CNTLN: variants seen among roughly 807,000 people sequenced by gnomAD.
CNTLN encodes the protein centlein, centrosomal protein.
Under a neutral mutation model 180.0 loss-of-function variants are expected in CNTLN, and 212 were observed. The ratio of observed to expected loss-of-function variants is 1.18; its 90% CI spans 1.05 to 1.32. The LOEUF is 1.32. Ranked by LOEUF, CNTLN falls within the 40% of genes most tolerant of loss-of-function variation. The pLI, the probability that CNTLN is intolerant of heterozygous loss-of-function variation, is 0.00. For missense variants in CNTLN, 2,095 were observed against 1,610.9 expected, an observed-to-expected ratio of 1.30 and a Z score of -5.14; for synonymous variants, 722 against 563.1, an observed-to-expected ratio of 1.28 and a Z score of -3.99.
intron 8 of CNTLN, among the ~76,000 whole-genome samples, chr9:17,314,962 T>A (rs10756865): frequency 0.8 from 121,796 of 152,166 alleles, 49,462 homozygotes; most frequent in Non-Finnish European, 0.87. Context: ...TATAACTTGT[T>A]GATCTTATCA....
chr9:17,235,411 T>C (rs1392087217), intron 3 of CNTLN, among the ~76,000 whole-genome samples: 3 of 152,150 alleles, frequency 2.0e-5, no homozygotes, highest in African/African-American at 7.2e-5. Flanking sequence ...AAAATTTGCT[T>C]TCTGAGTATG....
At chr9:17,352,116 G>A (rs918801205) in intron 12 of CNTLN, among the ~76,000 whole-genome samples, 2 of 151,994 alleles carry the variant, frequency 1.3e-5, no homozygotes, top group African/African-American at 4.8e-5. Context: ...TTACCCCCAT[G>A]TATTATAAGT....
chr9:17,388,322 TA>T, intron 14 of CNTLN, 69 bp downstream of exon 14: 1 of 1,016,682 alleles, frequency 9.8e-7, no homozygotes, highest in Non-Finnish European at 1.5e-6. Flanking sequence ...GATTATATTT[TA>T]AAACGAGGGC....
At chr9:17,289,914 A>T (rs1182738603) in intron 6 of CNTLN, among the ~76,000 whole-genome samples, 1 of 142,084 alleles carries the variant, frequency 7.0e-6, no homozygotes, top group Non-Finnish European at 1.5e-5. Context: ...ATTCTTCTAA[A>T]TTTTTTTCAA....
chr9:17,255,613 T>C lies in CNTLN; in HGVS notation c.850-18120T>C, dbSNP rs560521031. Among the ~76,000 whole-genome samples the C allele has an allele frequency of 4.6e-5, 7 of 151,966 alleles. 1 individual carries two copies. The South Asian group carries it at 1.5e-3, about 32-fold the overall frequency. On this transcript the variant is annotated intron_variant, in intron 5 of 25. Coordinates refer to ENST00000380647, the MANE Select transcript of CNTLN (RefSeq NM_017738.4). ...TTGTGCATCAATATTCATCAGATAA[T>C]TGGTCTCTAGTTTTCTTCTAGTGTT...
Position 17,415,771 on chromosome 9 carries a change from GAAATCTTC to G in CNTLN, c.2797-12_2797-5del, listed in dbSNP as rs748728263. On this transcript the variant is annotated splice_polypyrimidine_tract_variant and intron_variant, in intron 16 of 25. Transcript: ENST00000380647. The stretch of plus-strand genomic sequence containing the variant: ...TATTGAAGAATAATACCATTTTTAT[GAAATCTTC>G]AAATTTAGGACTATTTTCATGATAA... The G allele has an allele frequency of 2.8e-6, 4 of 1,431,788 alleles. No individual in the cohort carries two copies. The African/African-American group carries it at 5.7e-5, about 20-fold the overall frequency. 88.7% of individuals were successfully genotyped at this position (1,431,788 alleles called of 1,614,324 possible).
intron 13 of CNTLN, among the ~76,000 whole-genome samples, chr9:17,370,063 A>G (rs1824180526): frequency 1.3e-5 from 2 of 152,154 alleles, no homozygotes; most frequent in African/African-American, 2.4e-5. Flanking sequence ...GATTAATGAA[A>G]TAGCCTCAAA....
At chr9:17,215,320 C>T (rs1823659745) in intron 2 of CNTLN, among the ~76,000 whole-genome samples, 2 of 152,258 alleles carry the variant, frequency 1.3e-5, no homozygotes, top group Admixed American at 1.3e-4. Flanking sequence ...GAGGTCACTG[C>T]AGAACCTCTT....
intron 8 of CNTLN, among the ~76,000 whole-genome samples, chr9:17,317,840 A>G (rs959630063): frequency 6.6e-6 from 1 of 152,066 alleles, no homozygotes; most frequent in Non-Finnish European, 1.5e-5. Context: ...GGAGTGAAAC[A>G]TGATCTCAGA....
chr9:17,472,997 A>AT (rs1327291156), intron 23 of CNTLN, among the ~76,000 whole-genome samples: 1 of 152,106 alleles, frequency 6.6e-6, no homozygotes, highest in African/African-American at 2.4e-5. Flanking sequence ...ACTTTCTTGC[A>AT]TATATCCTCA....
intron 2 of CNTLN, among the ~76,000 whole-genome samples, chr9:17,154,181 C>T (rs986385060): frequency 6.6e-6 from 1 of 152,170 alleles, no homozygotes; most frequent in South Asian, 2.1e-4. Context: ...CATTCTCTGT[C>T]CAGCTTTGTT....
At chr9:17,388,967 A>G (rs1825895381) in intron 14 of CNTLN, among the ~76,000 whole-genome samples, 1 of 151,978 alleles carries the variant, frequency 6.6e-6, no homozygotes. Context: ...ATCTTTAAAT[A>G]GTTTGTTCTT....
chr9:17,249,376 T>C lies in CNTLN; in HGVS notation c.849+12788T>C, dbSNP rs551664960. On this transcript the variant is annotated intron_variant, in intron 5 of 25. Transcript: ENST00000380647. Reference sequence around the variant, plus strand: ...TTTGTTTTTTTTTTTTGAGCTGGAGTCTCGCTCTATCACCCAGGCTGGAGT... The same window carrying C: ...TTTGTTTTTTTTTTTTGAGCTGGAGCCTCGCTCTATCACCCAGGCTGGAGT... Among the ~76,000 whole-genome samples, 3 of 138,082 alleles carry C rather than the reference T, an allele frequency of 2.2e-5. No individual in the cohort carries two copies. The East Asian group carries it at 6.2e-4, about 28-fold the overall frequency. 90.6% of individuals were successfully genotyped at this position (138,082 alleles called of 152,430 possible).
intron 5 of CNTLN, among the ~76,000 whole-genome samples, chr9:17,262,884 T>C (rs1251785747): frequency 6.6e-6 from 1 of 151,292 alleles, no homozygotes; most frequent in African/African-American, 2.5e-5. Flanking sequence ...GTGTGTTCCG[T>C]CAATACCTAG....
intron 23 of CNTLN, among the ~76,000 whole-genome samples, chr9:17,472,477 C>G (rs1163181896): frequency 1.3e-5 from 2 of 152,128 alleles, no homozygotes; most frequent in Non-Finnish European, 2.9e-5. Flanking sequence ...ATCCAATCCC[C>G]TATTGGATAT....
At chr9:17,331,123 T>C (rs976802657) in intron 9 of CNTLN, among the ~76,000 whole-genome samples, 4 of 151,924 alleles carry the variant, frequency 2.6e-5, no homozygotes, top group Non-Finnish European at 5.9e-5. Context: ...ATCTATCTGA[T>C]TAAAAATTTA....
chr9:17,455,440 G>A (rs554010952), intron 18 of CNTLN, among the ~76,000 whole-genome samples: 2 of 152,280 alleles, frequency 1.3e-5, no homozygotes, highest in South Asian at 2.1e-4. Flanking sequence ...AGTTACATAT[G>A]CATGTCTTTT....
chr9:17,175,725 A>ATTGGCGTGT (rs201849889), intron 2 of CNTLN, among the ~76,000 whole-genome samples: 13 of 152,074 alleles, frequency 8.5e-5, no homozygotes, highest in African/African-American at 2.7e-4. Context: ...TTGGGGGAGA[A>ATTGGCGTGT]TTGTTGACTC....
chr9:17,211,954 G>C (rs1015355417), intron 2 of CNTLN, among the ~76,000 whole-genome samples: 9 of 152,174 alleles, frequency 5.9e-5, no homozygotes, highest in African/African-American at 1.9e-4. Context: ...GGAGATTGGG[G>C]CTGAGACGAT....
Sources: allele counts gnomAD v4.1 joint callset (sites outside exome capture counted in the v4.1 genomes callset), GRCh38; gene constraint gnomAD v4.1.1; transcripts MANE v1.5; gene names NCBI Gene and HGNC (gene_info 2026-07-23, HGNC 2026-07-21).